The following SLC9A5 variants were observed in gnomAD, a reference collection of about 807,000 sequenced individuals.
The protein encoded by SLC9A5 is solute carrier family 9 member A5, also known as sodium/hydrogen exchanger 5.
A neutral mutation model predicts 91.7 loss-of-function variants in SLC9A5; 52 were observed. The ratio of observed to expected loss-of-function variants is 0.57; its 90% CI spans 0.45 to 0.71. The LOEUF (loss-of-function observed/expected upper bound fraction) is 0.71, where lower values mean the gene tolerates loss of function less well. Among genes scored for constraint, SLC9A5 ranks in the 30% least tolerant of loss-of-function variants. SLC9A5 has a pLI of 0.00. For synonymous variants in SLC9A5, 419 were observed against 474.5 expected, an observed-to-expected ratio of 0.88 and a Z score of 1.52; for missense variants, 871 against 1,158.9, an observed-to-expected ratio of 0.75 and a Z score of 3.61.
intron 12 of SLC9A5, 65 bp downstream of exon 12, chr16:67,260,011 A>G (rs2035473129): frequency 6.4e-7 from 1 of 1,561,262 alleles, no homozygotes; most frequent in South Asian, 1.2e-5. Context: ...CTTAAGAGGC[A>G]GTTGGCGCCA....
At position 67,270,783 on chromosome 16, in the gene SLC9A5, C is replaced by T. The variant is rs551643826; in HGVS notation, c.2264C>T (p.Pro755Leu). The T allele has an allele frequency of 6.2e-7, 1 of 1,613,806 alleles. No homozygotes were observed. The highest frequency in any genetic ancestry group is 1.1e-5 in the South Asian group (1 of 91,026). The change falls in exon 16 of 16, where the codon CCA (proline) becomes CTA (leucine). Residue 755 changes from proline to leucine, a missense_variant. This residue lies in a region of SLC9A5 where 295 missense variants were observed against 326.0 expected (regional missense o/e 0.90). Coordinates refer to ENST00000299798, the MANE Select transcript of SLC9A5 (RefSeq NM_004594.3). The surrounding 1 kb of genome is among the most constrained non-coding windows in gnomAD (Gnocchi z 4.3). The part of the protein sequence containing the change: ...CPSPRIIPPS[P>L]TCAEKELPWK... ...AGCCCACGAATCATTCCCCCCTCCC[C>T]AACCTGTGCAGAAAAGGAGCTCCCC...
In SLC9A5 at chr16:67,265,112, C is replaced by T; in HGVS notation, c.2080+6C>T. On this transcript the variant is annotated splice_donor_region_variant and intron_variant, in intron 14 of 15. Coordinates refer to ENST00000299798, the MANE Select transcript of SLC9A5 (RefSeq NM_004594.3). ...CCTGGGCTTTCAGGACACAGGCAAGCAGGGAGCAGTGTGGGATTGAGGATG... is the reference window on the plus strand; with the variant it reads ...CCTGGGCTTTCAGGACACAGGCAAGTAGGGAGCAGTGTGGGATTGAGGATG... The T allele has an allele frequency of 6.2e-7, 1 of 1,613,624 alleles. No homozygotes were observed. Among genetic ancestry groups the T allele is most frequent in the Non-Finnish European group, 8.5e-7 (1 of 1,179,692 alleles).
In SLC9A5 at chr16:67,268,702, ATATATATATT is replaced by A. The variant is rs1395652318; in HGVS notation, c.2219-2034_2219-2025del. Among the ~76,000 whole-genome samples the A allele has an allele frequency of 3.3e-3, 301 of 90,280 alleles. 5 individuals carry two copies. Among genetic ancestry groups the A allele is most frequent in the African/African-American group, 5.9e-3 (141 of 23,934 alleles). The allele number at this position is 90,280 out of a possible 152,430, so 59.2% of individuals were successfully genotyped here. A position where few individuals can be genotyped will look rare whatever the true frequency, so the allele number is the denominator to read the frequency against. ...TATATATATATATATATATATATAT[ATATATATATT>A]TTTACAGTAGGCTTGTCCAATGTCC... On this transcript the variant is annotated intron_variant, in intron 15 of 15. Coordinates refer to ENST00000299798, the MANE Select transcript of SLC9A5 (RefSeq NM_004594.3).
chr16:67,249,095 G>A lies in SLC9A5; in HGVS notation c.81G>A (p.Pro27=), dbSNP rs1443369818. Residue 27 remains proline, a synonymous_variant, in exon 1 of 16, where the codon CCG becomes CCA. Transcript: ENST00000299798. The part of the protein sequence containing the change: ...AEEPTQKPES[P]GEPPPGLELF... The stretch of plus-strand genomic sequence containing the variant: ...AGCCCACCCAGAAGCCAGAGTCCCC[G>A]GGCGAGCCTCCCCCAGGCTTAGAGC... 1 of 1,538,546 alleles carries A rather than the reference G, an allele frequency of 6.5e-7. No homozygotes were observed. Among genetic ancestry groups the A allele is most frequent in the Admixed American group, 1.9e-5 (1 of 51,406 alleles).
chr16:67,253,306 AT>A (rs896325219), intron 2 of SLC9A5, among the ~76,000 whole-genome samples: 156 of 151,888 alleles, frequency 1.0e-3, no homozygotes, highest in Admixed American at 3.4e-3. Context: ...TTAAACATTT[AT>A]TTTTTTAAAT....
In SLC9A5 at chr16:67,255,386, C is replaced by T. The variant is rs952989552; in HGVS notation, c.655-7C>T. On this transcript the variant is annotated splice_polypyrimidine_tract_variant and splice_region_variant and intron_variant, in intron 3 of 15. Coordinates refer to ENST00000299798, the MANE Select transcript of SLC9A5 (RefSeq NM_004594.3). The surrounding 1 kb of genome is among the most constrained non-coding windows in gnomAD (Gnocchi z 4.9). The stretch of plus-strand genomic sequence containing the variant: ...GCCTCACTGCTGACTCTCCTCTTCT[C>T]GCTCAGGTGCTGTACAAGGTCTGCA... 5.6e-6 allele frequency: 9 copies of T among 1,608,274 alleles called. No homozygotes were observed. In the Admixed American group the frequency reaches 6.7e-5, roughly 12 times the overall value.
In SLC9A5 at chr16:67,271,143, C is replaced by A. The variant is rs774685138; in HGVS notation, c.2624C>A (p.Thr875Asn). ...LQPLMGHKDH[T>N]HLSPGTATSH... ...CCCCTCATGGGCCACAAGGACCACA[C>A]CCATCTCAGCCCAGGCACCGCTACC... Residue 875 changes from threonine to asparagine, a missense_variant, in exon 16 of 16, where the codon ACC becomes AAC. Thr to Asn is a moderately conservative substitution (Grantham distance 65, BLOSUM62 0). This residue lies in a region of SLC9A5 where 295 missense variants were observed against 326.0 expected (regional missense o/e 0.90). Transcript: ENST00000299798. 6.2e-7 allele frequency: 1 copy of A among 1,613,462 alleles called. No homozygotes were observed. The highest frequency in any genetic ancestry group is 2.2e-5 in the East Asian group (1 of 44,878).
In SLC9A5 at chr16:67,255,078, C is replaced by T. The variant is rs745985201; in HGVS notation, c.548C>T (p.Ala183Val). 16 of 1,613,950 alleles carry T rather than the reference C, an allele frequency of 9.9e-6. No individual in the cohort carries two copies. Among genetic ancestry groups the T allele is most frequent in the African/African-American group, 1.3e-5 (1 of 74,896 alleles). ...CTGCTGTTTGGGAGCCTCATCTCGG[C>T]GGTGGACCCCGTGGCCGTGCTAGCT... ...DFLLFGSLIS[A>V]VDPVAVLAVF... is the part of the protein sequence containing the mutation. The change falls in exon 3 of 16, where the codon GCG (alanine) becomes GTG (valine). Residue 183 changes from alanine (A) to valine (V), a missense_variant. Around this residue, in one of 3 missense-constraint regions of SLC9A5, gnomAD observed 454 missense variants for 718.3 expected, o/e 0.63. Coordinates refer to ENST00000299798, the MANE Select transcript of SLC9A5 (RefSeq NM_004594.3). The surrounding 1 kb of genome is among the most constrained non-coding windows in gnomAD (Gnocchi z 4.9).
chr16:67,265,167 C>T (rs557940977), intron 14 of SLC9A5, 61 bp downstream of exon 14: 3 of 1,544,896 alleles, frequency 1.9e-6, no homozygotes, highest in South Asian at 2.2e-5. Context: ...CTGGGGCTTG[C>T]CAGCCAGAAT....
intron 12 of SLC9A5, among the ~76,000 whole-genome samples, chr16:67,260,791 G>C (rs1190683473): frequency 6.6e-6 from 1 of 152,188 alleles, no homozygotes; most frequent in African/African-American, 2.4e-5. Flanking sequence ...AGATCATGAA[G>C]CTTTGCGTCT....
intron 12 of SLC9A5, among the ~76,000 whole-genome samples, chr16:67,260,378 G>A (rs74346611): frequency 0.028 from 3,122 of 109,694 alleles, 235 homozygotes; most frequent in African/African-American, 0.17. Context: ...AAAAAAAAAA[G>A]AGTGTGGGTT....
In SLC9A5 at chr16:67,256,464, C is replaced by A. The variant is rs771268769; in HGVS notation, c.912-5C>A. On this transcript the variant is annotated splice_region_variant and splice_polypyrimidine_tract_variant and intron_variant, in intron 5 of 15. Coordinates refer to ENST00000299798, the MANE Select transcript of SLC9A5 (RefSeq NM_004594.3). This position sits in a 1 kb window ranked among gnomAD's most constrained non-coding sequence, Gnocchi z 4.1. Reference sequence around the variant, plus strand: ...CACTTGCCATGTCTCTCCATCCTCTCCCAGGGTGACCATGTGTGGCCTGGG... The same window carrying A: ...CACTTGCCATGTCTCTCCATCCTCTACCAGGGTGACCATGTGTGGCCTGGG... The A allele has an allele frequency of 6.2e-7, 1 of 1,604,558 alleles. No individual in the cohort carries two copies.
At position 67,258,532 on chromosome 16, in the gene SLC9A5, G is replaced by A. The variant is rs2035403312; in HGVS notation, c.1626+85G>A. The A allele has an allele frequency of 2.0e-6, 3 of 1,521,688 alleles. No individual in the cohort carries two copies. In the Admixed American group the frequency reaches 5.1e-5, roughly 26 times the overall value. 94.3% of individuals were successfully genotyped at this position (1,521,688 alleles called of 1,614,324 possible). ...ACAGAAAGGGGTGGCAAGCAGGCTGGCCCTGAGCAGGGAGTTGGGAATTCC... is the reference window on the plus strand; with the variant it reads ...ACAGAAAGGGGTGGCAAGCAGGCTGACCCTGAGCAGGGAGTTGGGAATTCC... On this transcript the variant is annotated intron_variant, in intron 10 of 15. Coordinates refer to ENST00000299798, the MANE Select transcript of SLC9A5 (RefSeq NM_004594.3). The surrounding 1 kb of genome is among the most constrained non-coding windows in gnomAD (Gnocchi z 4.5).
intron 11 of SLC9A5, 34 bp downstream of exon 11, chr16:67,259,695 T>C (rs767005141): frequency 6.2e-7 from 1 of 1,601,660 alleles, no homozygotes; most frequent in Non-Finnish European, 8.6e-7. Flanking sequence ...TTCCTCATAC[T>C]CCTCTCCATT....
chr16:67,255,241 CT>C lies in SLC9A5; in HGVS notation c.654+58del. ...ACCCCAGGCTGCATGCTCTGACCAA[CT>C]AGGGGTCTGCGCAGACTCAGTCCCT... On this transcript the variant is annotated intron_variant, in intron 3 of 15. Coordinates refer to ENST00000299798, the MANE Select transcript of SLC9A5 (RefSeq NM_004594.3). The surrounding 1 kb of genome is among the most constrained non-coding windows in gnomAD (Gnocchi z 4.9). 3.2e-6 allele frequency: 5 copies of C among 1,583,848 alleles called. No individual in the cohort carries two copies. Among genetic ancestry groups the C allele is most frequent in the Non-Finnish European group, 4.3e-6 (5 of 1,159,674 alleles).
In SLC9A5 at chr16:67,255,756, CCCTGTTTGTGGTCAGT is replaced by C. The variant is rs770338651; in HGVS notation, c.739_754del (p.Leu247TrpfsTer8). The C allele has an allele frequency of 6.4e-7, 1 of 1,569,800 alleles. No homozygotes were observed. The highest frequency in any genetic ancestry group is 1.8e-5 in the Admixed American group (1 of 54,212). ...TGACAACCCACTCCTCCCCCAGCCT[CCCTGTTTGTGGTCAGT>C]CTGGGCGGGGCAGCCGTGGGCTTAG... On this transcript the variant is annotated frameshift_variant, in exon 5 of 16. Transcript: ENST00000299798. LOFTEE classifies it high-confidence loss of function. The surrounding 1 kb of genome is among the most constrained non-coding windows in gnomAD (Gnocchi z 4.9).
rs2034995252 is a variant in SLC9A5, at chr16:67,249,023, C to A, written c.9C>A (p.Arg3=). 6 of 1,426,194 alleles carry A rather than the reference C, an allele frequency of 4.2e-6. No individual in the cohort carries two copies. The highest frequency in any genetic ancestry group is 4.6e-6 in the Non-Finnish European group (5 of 1,090,242). 88.3% of individuals were successfully genotyped at this position (1,426,194 alleles called of 1,614,324 possible). The part of the protein sequence containing the change: ML[R]AALSLLALPL... ...GCTGGGCAGGCGGCAGGATGCTGCG[C>A]GCCGCCCTGTCCCTGCTCGCGCTGC... Residue 3 remains arginine (R), a synonymous_variant, in exon 1 of 16, where the codon CGC becomes CGA. Coordinates refer to ENST00000299798, the MANE Select transcript of SLC9A5 (RefSeq NM_004594.3).
chr16:67,266,104 C>T lies in SLC9A5; in HGVS notation c.2097C>T (p.Thr699=), dbSNP rs372783358. 19 of 1,611,656 alleles carry T rather than the reference C, an allele frequency of 1.2e-5. No individual in the cohort carries two copies. The highest frequency in any genetic ancestry group is 2.7e-5 in the African/African-American group (2 of 74,830). Residue 699 remains threonine, a synonymous_variant, in exon 15 of 16, where the codon ACC becomes ACT. Transcript: ENST00000299798. ...TCTGTCCAGCTGCTGTGATATTAAC[C>T]GTGGAGTCTGAGGAGGAGGAGGAGG... The part of the protein sequence containing the change: ...GFQDTAAVIL[T]VESEEEEEES...
chr16:67,255,635 G>GT lies in SLC9A5; in HGVS notation c.734-114dup. ...GCTTGCCAGGGATCCTGGCTCTGGGGTTTTGAGCCCCTGGGAGTGCGGTGG... is the reference window on the plus strand; with the variant it reads ...GCTTGCCAGGGATCCTGGCTCTGGGGTTTTTGAGCCCCTGGGAGTGCGGTGG... On this transcript the variant is annotated intron_variant, in intron 4 of 15. Coordinates refer to ENST00000299798, the MANE Select transcript of SLC9A5 (RefSeq NM_004594.3). The surrounding 1 kb of genome is among the most constrained non-coding windows in gnomAD (Gnocchi z 4.9). The GT allele has an allele frequency of 3.7e-6, 5 of 1,350,122 alleles. No homozygotes were observed. The highest frequency in any genetic ancestry group is 5.1e-6 in the Non-Finnish European group (5 of 972,928). The allele number at this position is 1,350,122 out of a possible 1,614,324, so 83.6% of individuals were successfully genotyped here.
Sources: allele counts gnomAD v4.1 joint callset (sites outside exome capture counted in the v4.1 genomes callset), GRCh38; gene constraint gnomAD v4.1.1; regional missense constraint gnomAD v4.1.1; non-coding constraint Gnocchi (gnomAD v3.1); transcripts MANE v1.5; gene names NCBI Gene and HGNC (gene_info 2026-07-23, HGNC 2026-07-21).